The following PTPRD variants were observed in gnomAD, a reference collection of about 807,000 sequenced individuals.
PTPRD encodes the protein protein tyrosine phosphatase receptor type D.
A neutral mutation model predicts 214.5 loss-of-function variants in PTPRD; 34 were observed. That is an observed-to-expected ratio of 0.16 (90% CI 0.12 to 0.21). The LOEUF (loss-of-function observed/expected upper bound fraction) is 0.21, where lower values mean the gene tolerates loss of function less well. Among genes scored for constraint, PTPRD ranks in the 10% least tolerant of loss-of-function variants. The pLI is 1.00. For missense variants in PTPRD, 2,545 were observed against 2,398.7 expected (o/e 1.06, Z -1.27); for synonymous variants, 1,128 against 845.7 (o/e 1.33, Z -5.79).
intron 36 of PTPRD, among the ~76,000 whole-genome samples, chr9:8,400,731 G>C (rs188825306): frequency 2.6e-5 from 4 of 152,244 alleles, no homozygotes; most frequent in African/African-American, 7.2e-5. Context: ...TATTCTGTGT[G>C]ACTGTGTGAC....
intron 7 of PTPRD, among the ~76,000 whole-genome samples, chr9:9,620,705 G>C (rs1011701642): frequency 2.6e-5 from 4 of 151,880 alleles, no homozygotes; most frequent in Non-Finnish European, 2.9e-5. Context: ...AACAGGTTCT[G>C]GCTTCAGAAA....
At chr9:9,352,801 T>G (rs2051960307) in intron 9 of PTPRD, among the ~76,000 whole-genome samples, 1 of 152,014 alleles carries the variant, frequency 6.6e-6, no homozygotes, top group Non-Finnish European at 1.5e-5. Context: ...GGAAGAAGAT[T>G]CTCTTCTTAA....
At chr9:10,127,529 T>C (rs561693710) in intron 3 of PTPRD, among the ~76,000 whole-genome samples, 7 of 152,246 alleles carry the variant, frequency 4.6e-5, no homozygotes, top group Admixed American at 2.0e-4. Flanking sequence ...CAAATCCCAA[T>C]GTATTAGTTT....
At chr9:9,946,692 C>A (rs907084503) in intron 4 of PTPRD, among the ~76,000 whole-genome samples, 26 of 152,098 alleles carry the variant, frequency 1.7e-4, no homozygotes, top group African/African-American at 6.3e-4. Flanking sequence ...AGAGGAAAAA[C>A]TGGGAACTAT....
At chr9:10,224,195 T>C (rs913845279) in intron 3 of PTPRD, among the ~76,000 whole-genome samples, 28 of 151,982 alleles carry the variant, frequency 1.8e-4, no homozygotes, top group Admixed American at 5.9e-4. Context: ...TAAACCACTA[T>C]ATAAATTATC....
At chr9:8,990,994 C>T (rs964139966) in intron 11 of PTPRD, among the ~76,000 whole-genome samples, 2 of 151,844 alleles carry the variant, frequency 1.3e-5, no homozygotes, top group African/African-American at 4.8e-5. Flanking sequence ...GCGGGAGGAC[C>T]ACTTGAGGCT....
intron 3 of PTPRD, among the ~76,000 whole-genome samples, chr9:10,062,724 G>A (rs181564433): frequency 6.6e-6 from 1 of 151,834 alleles, no homozygotes; most frequent in African/African-American, 2.4e-5. Flanking sequence ...TCTCTCTCTT[G>A]CCCATTTCAA....
At chr9:9,053,306 T>A (rs930192736) in intron 10 of PTPRD, among the ~76,000 whole-genome samples, 1 of 152,132 alleles carries the variant, frequency 6.6e-6, no homozygotes, top group Non-Finnish European at 1.5e-5. Flanking sequence ...ATAGGGCTAT[T>A]AAGAAATAAT....
At chr9:8,612,821 T>C (rs1369654558) in intron 14 of PTPRD, among the ~76,000 whole-genome samples, 1 of 152,190 alleles carries the variant, frequency 6.6e-6, no homozygotes, top group Admixed American at 6.5e-5. Flanking sequence ...CATTCTTTTT[T>C]ATGCAAGACT....
At chr9:10,286,733 G>A (rs1011759150) in intron 3 of PTPRD, among the ~76,000 whole-genome samples, 6 of 151,986 alleles carry the variant, frequency 3.9e-5, no homozygotes, top group African/African-American at 1.4e-4. Context: ...CAAGTAGCTG[G>A]TATTACAGGC....
intron 44 of PTPRD, among the ~76,000 whole-genome samples, chr9:8,320,910 C>T (rs12352299): frequency 0.013 from 1,986 of 152,120 alleles, 43 homozygotes; most frequent in African/African-American, 0.044. Context: ...TTTTTGGATC[C>T]TAATTAAACA....
intron 9 of PTPRD, among the ~76,000 whole-genome samples, chr9:9,198,606 T>C (rs1306953907): frequency 1.3e-5 from 2 of 152,086 alleles, no homozygotes; most frequent in African/African-American, 4.8e-5. Context: ...TCCTGAGATT[T>C]GGCATTTCAA....
intron 11 of PTPRD, among the ~76,000 whole-genome samples, chr9:8,909,433 C>T (rs2098731529): frequency 6.6e-6 from 1 of 152,048 alleles, no homozygotes; most frequent in Admixed American, 6.6e-5. Flanking sequence ...ATTTAACATA[C>T]AAGGTTGGTT....
At chr9:9,770,736 C>T (rs996420664) in intron 5 of PTPRD, among the ~76,000 whole-genome samples, 1 of 151,974 alleles carries the variant, frequency 6.6e-6, no homozygotes, top group African/African-American at 2.4e-5. Flanking sequence ...ATTCACTGCA[C>T]AGGTTGAAAA....
chr9:8,614,343 G>A (rs1422405831), intron 14 of PTPRD, among the ~76,000 whole-genome samples: 1 of 152,134 alleles, frequency 6.6e-6, no homozygotes, highest in Non-Finnish European at 1.5e-5. Context: ...ACCAGTTTAT[G>A]CATTTGTGGC....
At chr9:8,603,952 C>A (rs1564654926) in intron 14 of PTPRD, among the ~76,000 whole-genome samples, 1 of 152,138 alleles carries the variant, frequency 6.6e-6, no homozygotes, top group South Asian at 2.1e-4. Flanking sequence ...ATCAACCATG[C>A]CTCAAAGTTT....
intron 26 of PTPRD, among the ~76,000 whole-genome samples, 181 bp downstream of exon 26, chr9:8,497,061 T>C (rs912746107): frequency 3.3e-5 from 5 of 152,196 alleles, no homozygotes; most frequent in Non-Finnish European, 5.9e-5. Context: ...AGCACCATGC[T>C]GATTTCACAA....
At chr9:10,581,746 T>G (rs2071904119) in intron 2 of PTPRD, among the ~76,000 whole-genome samples, 1 of 152,156 alleles carries the variant, frequency 6.6e-6, no homozygotes, top group Non-Finnish European at 1.5e-5. Flanking sequence ...CTCAGCAGTT[T>G]AGGTCATTTC....
intron 9 of PTPRD, among the ~76,000 whole-genome samples, chr9:9,257,797 C>G (rs1337732039): frequency 6.6e-6 from 1 of 151,826 alleles, no homozygotes; most frequent in South Asian, 2.1e-4. Flanking sequence ...TAAAAAAAAT[C>G]TCTGTGCCAG....
Sources: allele counts gnomAD v4.1 joint callset (sites outside exome capture counted in the v4.1 genomes callset), GRCh38; gene constraint gnomAD v4.1.1; transcripts MANE v1.5; gene names NCBI Gene and HGNC (gene_info 2026-07-23, HGNC 2026-07-21).